POMP: variants seen among roughly 807,000 people sequenced by gnomAD.
The protein encoded by POMP is 2510048O06Rik.
POMP carries 12 observed loss-of-function variants against 20.6 expected under a neutral mutation model. The ratio of observed to expected loss-of-function variants is 0.58; its 90% CI spans 0.37 to 0.94. POMP has a LOEUF of 0.94. Among genes scored for constraint, POMP ranks in the 40% least tolerant of loss-of-function variants. The pLI is 0.01. For missense variants in POMP, 136 were observed against 161.1 expected (o/e 0.84, Z 0.84); for synonymous variants, 53 against 55.0 (o/e 0.96, Z 0.16).
rs779853022 is a variant in POMP at position 28,659,146 on chromosome 13, G to T, written c.-39G>T. On this transcript the variant is annotated 5_prime_UTR_variant, in exon 1 of 6. Coordinates refer to ENST00000380842, the MANE Select transcript of POMP (RefSeq NM_015932.6). The stretch of plus-strand genomic sequence containing the variant: ...GAAGTGAGCGGCGGGGTCGACTGAC[G>T]GTAACGGGGCAGAGAGGCTGTTCGC... The T allele has an allele frequency of 3.2e-6, 5 of 1,574,856 alleles. No homozygotes were observed. Among genetic ancestry groups the T allele is most frequent in the South Asian group, 1.2e-5 (1 of 86,354 alleles).
intron 2 of POMP, 41 bp from the exon 3 acceptor site, chr13:28,664,468 T>C (rs762714627): frequency 2.2e-6 from 3 of 1,366,426 alleles, no homozygotes; most frequent in Non-Finnish European, 3.1e-6. Flanking sequence ...TTGAGTGATA[T>C]TTAATCTCCT....
chr13:28,659,491 A>T (rs969942604), intron 1 of POMP, among the ~76,000 whole-genome samples: 7 of 152,142 alleles, frequency 4.6e-5, no homozygotes, highest in African/African-American at 1.7e-4. Context: ...CTTGGCGCAG[A>T]AGTGGAAAAG....
intron 4 of POMP, among the ~76,000 whole-genome samples, chr13:28,669,080 T>C (rs1884496504): frequency 6.6e-6 from 1 of 152,046 alleles, no homozygotes; most frequent in East Asian, 1.9e-4. Flanking sequence ...GTCTCAGCAG[T>C]AGCATTTGAA....
intron 2 of POMP, among the ~76,000 whole-genome samples, chr13:28,663,626 A>C: frequency 6.6e-6 from 1 of 152,222 alleles, no homozygotes; most frequent in East Asian, 1.9e-4. Context: ...TACTCTTACT[A>C]TAATAGAATG....
intron 5 of POMP, among the ~76,000 whole-genome samples, chr13:28,673,303 T>C (rs1222786756): frequency 6.6e-6 from 1 of 152,134 alleles, no homozygotes; most frequent in Non-Finnish European, 1.5e-5. Flanking sequence ...ACTCCTGACC[T>C]TGTGATCTGC....
chr13:28,663,653 G>A lies in POMP; in HGVS notation c.102-856G>A, dbSNP rs551459678. Among the ~76,000 whole-genome samples, 5 of 152,310 alleles carry A rather than the reference G, an allele frequency of 3.3e-5. No homozygotes were observed. The South Asian group carries it at 1.0e-3, about 32-fold the overall frequency. ...AATAGAATGGCATTCTAATGCTGGT[G>A]TCTGAGTACAAATATAATCCCTCAT... On this transcript the variant is annotated intron_variant, in intron 2 of 5. Transcript: ENST00000380842.
intron 4 of POMP, among the ~76,000 whole-genome samples, 194 bp downstream of exon 4, chr13:28,668,768 C>A (rs147657709): frequency 6.6e-6 from 1 of 151,950 alleles, no homozygotes; most frequent in African/African-American, 2.4e-5. Context: ...AAATTACAGG[C>A]TCAGTGTCTG....
At chr13:28,665,008 T>G (rs1043433537) in intron 3 of POMP, among the ~76,000 whole-genome samples, 19 of 152,230 alleles carry the variant, frequency 1.2e-4, no homozygotes, top group African/African-American at 4.6e-4. Context: ...CTTAAATAAC[T>G]TAAAATTTAA....
In POMP at chr13:28,659,628, T is replaced by G. The variant is rs191758373; in HGVS notation, c.3+441T>G. Reference sequence around the variant, plus strand: ...AGCCCCCGCCCTTGTAACTGCCTAGTAAACAGCCCACAACTATAGGTCGCA... The same window carrying G: ...AGCCCCCGCCCTTGTAACTGCCTAGGAAACAGCCCACAACTATAGGTCGCA... On this transcript the variant is annotated intron_variant, in intron 1 of 5. Transcript: ENST00000380842. 2.5e-3 allele frequency among the ~76,000 whole-genome samples: 382 copies of G among 152,260 alleles called. 2 individuals carry two copies. The highest frequency in any genetic ancestry group is 5.0e-3 in the Admixed American group (76 of 15,302).
chr13:28,662,943 C>T (rs1356490767), intron 2 of POMP, among the ~76,000 whole-genome samples: 1 of 152,114 alleles, frequency 6.6e-6, no homozygotes, highest in Non-Finnish European at 1.5e-5. Context: ...TTGGACAAAT[C>T]ACATAATTAA....
At chr13:28,660,550 TAGGA>T (rs972685881) in intron 1 of POMP, among the ~76,000 whole-genome samples, 9 of 152,178 alleles carry the variant, frequency 5.9e-5, no homozygotes, top group Admixed American at 2.0e-4. Context: ...ATGGATTTAT[TAGGA>T]AGTAACCCCA....
chr13:28,663,378 T>C (rs1884382244), intron 2 of POMP, among the ~76,000 whole-genome samples: 1 of 152,210 alleles, frequency 6.6e-6, no homozygotes, highest in African/African-American at 2.4e-5. Context: ...TGGCGCGATC[T>C]CCCCTCATCG....
In POMP at chr13:28,664,172, GTA is replaced by G. The variant is rs539114578; in HGVS notation, c.102-336_102-335del. 1.2e-4 allele frequency among the ~76,000 whole-genome samples: 18 copies of G among 152,312 alleles called. No individual in the cohort carries two copies. In the East Asian group the frequency reaches 3.5e-3, roughly 29 times the overall value. On this transcript the variant is annotated intron_variant, in intron 2 of 5. Transcript: ENST00000380842. The stretch of plus-strand genomic sequence containing the variant: ...ATAGTGCAAGAAGTACCTCATCAGA[GTA>G]ATAGCAATAAACATACATTCATTAA...
chr13:28,660,220 C>T (rs1884309793), intron 1 of POMP, among the ~76,000 whole-genome samples: 1 of 152,220 alleles, frequency 6.6e-6, no homozygotes, highest in Non-Finnish European at 1.5e-5. Flanking sequence ...AATCACACAT[C>T]TCTGCTGAAG....
chr13:28,666,349 G>T (rs566037527), intron 3 of POMP, among the ~76,000 whole-genome samples: 2 of 152,248 alleles, frequency 1.3e-5, no homozygotes, highest in East Asian at 3.9e-4. Flanking sequence ...CAAATCAAGG[G>T]AGATTATATT....
At chr13:28,663,717 T>C (rs1261012973) in intron 2 of POMP, among the ~76,000 whole-genome samples, 6 of 152,218 alleles carry the variant, frequency 3.9e-5, no homozygotes, top group Non-Finnish European at 8.8e-5. Context: ...ATGCAGCATA[T>C]AGCCTGTGAA....
rs143371557 is a variant in POMP, at chr13:28,661,655, G to A, written c.4-755G>A. On this transcript the variant is annotated intron_variant, in intron 1 of 5. Coordinates refer to ENST00000380842, the MANE Select transcript of POMP (RefSeq NM_015932.6). The stretch of plus-strand genomic sequence containing the variant: ...TGGTGATTGCGCATTTCACAGTAGC[G>A]TAGGGTAATCATACACCAATACCAA... Among the ~76,000 whole-genome samples the A allele has an allele frequency of 7.2e-5, 11 of 152,284 alleles. No individual in the cohort carries two copies. In the East Asian group the frequency reaches 1.9e-3, roughly 27 times the overall value.
chr13:28,659,262 C>T (rs536984217), intron 1 of POMP, 75 bp downstream of exon 1: 84 of 1,548,084 alleles, frequency 5.4e-5, no homozygotes, highest in Non-Finnish European at 7.1e-5. Context: ...GCAGTCGCCT[C>T]CCAACCCGTC....
intron 2 of POMP, among the ~76,000 whole-genome samples, chr13:28,663,403 C>T (rs1367787284): frequency 2.0e-5 from 3 of 152,152 alleles, no homozygotes; most frequent in Non-Finnish European, 2.9e-5. Context: ...CTCCGCCTCC[C>T]GGGTTCAAGT....
Sources: gnomAD v4.1 joint callset for allele counts (sites outside exome capture counted in the v4.1 genomes callset) on GRCh38, gnomAD v4.1.1 for gene constraint, MANE v1.5 for transcripts, NCBI Gene and HGNC (gene_info 2026-07-23, HGNC 2026-07-21) for gene names.